DDX52: variants seen among roughly 807,000 people sequenced by gnomAD.
DDX52 encodes probable ATP-dependent RNA helicase DDX52.
DDX52 carries 59 observed loss-of-function variants against 76.1 expected under a neutral mutation model. The observed-to-expected ratio is 0.78, with a 90% CI of 0.63 to 0.96. The LOEUF is 0.96. DDX52 is among the 40% of genes least tolerant of loss of function. The pLI, the probability that DDX52 is intolerant of heterozygous loss-of-function variation, is 0.00. For missense variants in DDX52, 707 were observed against 703.9 expected, an observed-to-expected ratio of 1.00 and a Z score of -0.05; for synonymous variants, 231 against 244.1, an observed-to-expected ratio of 0.95 and a Z score of 0.50.
chr17:37,628,939 C>A (rs7209450), intron 5 of DDX52, among the ~76,000 whole-genome samples: 1 of 152,010 alleles, frequency 6.6e-6, no homozygotes, highest in African/African-American at 2.4e-5. Context: ...TACTACTGGC[C>A]GGGTGTGGGG....
At chr17:37,622,250 A>G (rs1242954471) in intron 9 of DDX52, among the ~76,000 whole-genome samples, 1 of 151,520 alleles carries the variant, frequency 6.6e-6, no homozygotes, top group Non-Finnish European at 1.5e-5. Flanking sequence ...TCTCTCTCAA[A>G]CCAGCTATCT....
chr17:37,616,990 A>G (rs984982637), intron 14 of DDX52, among the ~76,000 whole-genome samples: 4 of 152,124 alleles, frequency 2.6e-5, no homozygotes, highest in Non-Finnish European at 5.9e-5. Flanking sequence ...AGATAGTTCT[A>G]CTTTGTTGAA....
intron 2 of DDX52, chr17:37,635,659 TG>T (rs554878637): frequency 1.1e-4 from 52 of 455,398 alleles, no homozygotes; most frequent in Middle Eastern, 3.2e-4. Context: ...AATGTTGCTA[TG>T]AAAATTTGTG....
chr17:37,618,175 C>T (rs191343092), intron 14 of DDX52, 117 bp downstream of exon 14: 723 of 714,316 alleles, frequency 1.0e-3, no homozygotes, highest in Middle Eastern at 2.0e-3. Flanking sequence ...ATTTTTATAA[C>T]GTTTTATAAC....
chr17:37,636,909 C>A (rs1655175292), intron 2 of DDX52, among the ~76,000 whole-genome samples: 1 of 152,164 alleles, frequency 6.6e-6, no homozygotes, highest in Admixed American at 6.5e-5. Context: ...GTGTATATAA[C>A]CAATTACAAG....
At chr17:37,637,689 C>T (rs978280160) in intron 2 of DDX52, among the ~76,000 whole-genome samples, 1 of 151,972 alleles carries the variant, frequency 6.6e-6, no homozygotes, top group Non-Finnish European at 1.5e-5. Context: ...ATTCTCCTGC[C>T]TCAGCCTCCC....
At chr17:37,628,846 T>C (rs530762625) in intron 5 of DDX52, among the ~76,000 whole-genome samples, 174 bp from the exon 6 acceptor site, 1 of 152,318 alleles carries the variant, frequency 6.6e-6, no homozygotes, top group Non-Finnish European at 1.5e-5. Flanking sequence ...CAATGCCTAA[T>C]AAGATTCAAT....
Position 37,640,653 on chromosome 17 carries a change from A to T in DDX52, c.286+1457T>A, listed in dbSNP as rs925685677. Among the ~76,000 whole-genome samples the T allele has an allele frequency of 2.0e-5, 3 of 150,924 alleles. No homozygotes were observed. In the South Asian group the frequency reaches 6.3e-4, roughly 32 times the overall value. On this transcript the variant is annotated intron_variant, in intron 2 of 14. Coordinates refer to ENST00000617633, the MANE Select transcript of DDX52 (RefSeq NM_007010.5). ...ACTAGGAAACTTAATATTATAGATTAAAAAAATATAAACAGCCCTAGAGTA... is the reference window on the plus strand; with the variant it reads ...ACTAGGAAACTTAATATTATAGATTTAAAAAATATAAACAGCCCTAGAGTA...
intron 1 of DDX52, 162 bp downstream of exon 1, chr17:37,643,172 G>C (rs1054542338): frequency 3.6e-5 from 23 of 647,850 alleles, no homozygotes; most frequent in Admixed American, 9.0e-5. Flanking sequence ...GAACCGAGCA[G>C]CCGTGCAGGC....
rs763572097 is a variant in DDX52 at position 37,626,110 on chromosome 17, C to G, written c.933-12G>C. The G allele has an allele frequency of 9.3e-6, 15 of 1,613,688 alleles. No homozygotes were observed. Among genetic ancestry groups the G allele is most frequent in the African/African-American group, 5.3e-5 (4 of 74,874 alleles). On this transcript the variant is annotated splice_polypyrimidine_tract_variant and intron_variant, in intron 7 of 14. Transcript: ENST00000617633. ...CAAGCCACTCAACACTAAGAAATAA[C>G]AAAACAACTTGTGGATACTGAACTG...
chr17:37,637,914 T>G (rs539090083), intron 2 of DDX52, among the ~76,000 whole-genome samples: 1 of 152,268 alleles, frequency 6.6e-6, no homozygotes, highest in East Asian at 1.9e-4. Context: ...GTTGAGCAAA[T>G]TTTCCATATG....
chr17:37,641,860 A>G (rs1036462173), intron 2 of DDX52, among the ~76,000 whole-genome samples: 8 of 152,228 alleles, frequency 5.3e-5, no homozygotes, highest in Non-Finnish European at 1.2e-4. Flanking sequence ...CCCTTTCACC[A>G]TATGATGCTA....
intron 8 of DDX52, among the ~76,000 whole-genome samples, chr17:37,624,689 T>A (rs2030274833): frequency 1.3e-5 from 2 of 152,124 alleles, no homozygotes; most frequent in African/African-American, 2.4e-5. Flanking sequence ...TTTCAGGTAT[T>A]TGATTAGTTA....
intron 2 of DDX52, among the ~76,000 whole-genome samples, chr17:37,638,772 T>C (rs1298917693): frequency 5.2e-5 from 1 of 19,156 alleles, no homozygotes; most frequent in Non-Finnish European, 7.4e-5. Context: ...TTTTTTTTCT[T>C]TTTTTTTTTT....
rs2064400488 is a variant in DDX52 at position 37,614,330 on chromosome 17, C to G, written c.1766G>C (p.Ser589Thr). The G allele has an allele frequency of 6.2e-7, 1 of 1,612,216 alleles. No homozygotes were observed. Among genetic ancestry groups the G allele is most frequent in the African/African-American group, 1.3e-5 (1 of 74,838 alleles). The stretch of plus-strand genomic sequence containing the variant: ...GTCTTCAAGAGCTACTTTCTTCTTG[C>G]TGTTCTGACCAGTGACCTTTTTCCT... ...DKQKKVTGQNSKKKVALEDKS is the reference protein window; with the variant it reads ...DKQKKVTGQNTKKKVALEDKS The change falls in exon 15 of 15, where the codon AGC becomes ACC. Residue 589 changes from serine (S) to threonine (T), a missense_variant. Ser to Thr is a moderately conservative substitution (Grantham distance 58). Transcript: ENST00000617633.
At chr17:37,626,181 G>T in intron 7 of DDX52, 83 bp from the exon 8 acceptor site, 1 of 1,434,544 alleles carries the variant, frequency 7.0e-7, no homozygotes, top group Non-Finnish European at 9.7e-7. Context: ...GTGGACACAT[G>T]AGGAAGTCAA....
At chr17:37,631,294 C>T (rs1016534845) in intron 4 of DDX52, 1 of 152,226 alleles carries the variant, frequency 6.6e-6, no homozygotes, top group Non-Finnish European at 1.5e-5. Flanking sequence ...CATAATACTA[C>T]TTGGTAACAA....
intron 13 of DDX52, among the ~76,000 whole-genome samples, 180 bp from the exon 14 acceptor site, chr17:37,618,564 C>T (rs200418952): frequency 6.6e-6 from 1 of 152,098 alleles, no homozygotes; most frequent in Non-Finnish European, 1.5e-5. Flanking sequence ...TCACTGCAAC[C>T]TCTGCCTCCT....
At position 37,614,118 on chromosome 17, in the gene DDX52, C is replaced by A. The variant is rs777493933; in HGVS notation, c.*178G>T. 3.1e-6 allele frequency: 2 copies of A among 640,328 alleles called. No individual in the cohort carries two copies. The highest frequency in any genetic ancestry group is 7.4e-5 in the Admixed American group (2 of 27,094). The allele number at this position is 640,328 out of a possible 1,614,324, so 39.7% of individuals were successfully genotyped here. ...ATCTCTACAGGAAAAAAAAAAGGCA[C>A]CTACAAATTGAAACTGACTTGATAG... On this transcript the variant is annotated 3_prime_UTR_variant, in exon 15 of 15. Coordinates refer to ENST00000617633, the MANE Select transcript of DDX52 (RefSeq NM_007010.5).
Sources: gnomAD v4.1 joint callset for allele counts (sites outside exome capture counted in the v4.1 genomes callset) on GRCh38, gnomAD v4.1.1 for gene constraint, MANE v1.5 for transcripts, NCBI Gene and HGNC (gene_info 2026-07-23, HGNC 2026-07-21) for gene names.